The following TENM2 variants were observed in gnomAD, a reference collection of about 807,000 sequenced individuals.
The protein encoded by TENM2 is teneurin transmembrane protein 2.
A neutral mutation model predicts 245.2 loss-of-function variants in TENM2; 52 were observed. The ratio of observed to expected loss-of-function variants is 0.21; its 90% CI spans 0.17 to 0.27. The LOEUF (loss-of-function observed/expected upper bound fraction) is 0.27. Ranked by LOEUF, TENM2 falls within the 10% of genes least tolerant of loss-of-function variation. The probability of loss-of-function intolerance (pLI) is 1.00; values close to 1 mark genes in which losing one functional copy is unlikely to be tolerated. For missense variants in TENM2, 3,046 were observed against 3,666.8 expected, an observed-to-expected ratio of 0.83 and a Z score of 4.37; for synonymous variants, 1,363 against 1,438.9, an observed-to-expected ratio of 0.95 and a Z score of 1.19.
chr5:167,268,963 T>A, the TENM2 span, among the ~76,000 whole-genome samples: 1 of 152,096 alleles, frequency 6.6e-6, no homozygotes, highest in South Asian at 2.1e-4. Context: ...GGCATTGATT[T>A]TGATTTCACA....
intron 2 of TENM2, among the ~76,000 whole-genome samples, chr5:167,478,256 C>T (rs1767525984): frequency 6.6e-6 from 1 of 152,140 alleles, no homozygotes; most frequent in African/African-American, 2.4e-5. Flanking sequence ...CTTCTGTTTC[C>T]TCATCTTCTT....
chr5:168,074,207 C>A (rs190818190), intron 7 of TENM2, among the ~76,000 whole-genome samples: 3 of 152,090 alleles, frequency 2.0e-5, no homozygotes, highest in South Asian at 2.1e-4. Flanking sequence ...TACATCACCC[C>A]CCTCCCATAC....
At chr5:167,888,241 T>C (rs1414730320) in intron 3 of TENM2, among the ~76,000 whole-genome samples, 1 of 152,146 alleles carries the variant, frequency 6.6e-6, no homozygotes, top group Non-Finnish European at 1.5e-5. Flanking sequence ...TCCCTATGTC[T>C]TCTCTATTAT....
At chr5:167,768,743 C>G (rs1221655149) in intron 2 of TENM2, among the ~76,000 whole-genome samples, 2 of 152,148 alleles carry the variant, frequency 1.3e-5, no homozygotes, top group Non-Finnish European at 2.9e-5. Context: ...TTAGCCATGC[C>G]TTTCTCATGA....
chr5:167,247,321 T>G, the TENM2 span, among the ~76,000 whole-genome samples: 1 of 152,150 alleles, frequency 6.6e-6, no homozygotes, highest in Non-Finnish European at 1.5e-5. Flanking sequence ...CAAACAGCCT[T>G]TACAGCCTGA....
chr5:168,204,879 A>G (rs6887745), intron 19 of TENM2, among the ~76,000 whole-genome samples: 150,075 of 152,376 alleles, frequency 0.98, 73,913 homozygotes, highest in East Asian at 1. Flanking sequence ...GAACAACCAA[A>G]GCATCTTTTA....
intron 2 of TENM2, among the ~76,000 whole-genome samples, chr5:167,837,389 G>A (rs1583147553): frequency 1.3e-5 from 2 of 152,002 alleles, no homozygotes; most frequent in South Asian, 2.1e-4. Flanking sequence ...CCTCCAAAAA[G>A]GTTGTAGATC....
At chr5:167,950,542 G>A (rs1346928109) in intron 3 of TENM2, among the ~76,000 whole-genome samples, 2 of 152,052 alleles carry the variant, frequency 1.3e-5, no homozygotes, top group African/African-American at 2.4e-5. Context: ...GCACTGACCC[G>A]CCCCATCTTC....
intron 6 of TENM2, among the ~76,000 whole-genome samples, chr5:168,054,842 T>G (rs1338854030): frequency 6.6e-6 from 1 of 152,238 alleles, no homozygotes; most frequent in Non-Finnish European, 1.5e-5. Context: ...AAATTGATCA[T>G]TAGAATGTTG....
chr5:168,084,068 T>C (rs1792234593), intron 7 of TENM2, among the ~76,000 whole-genome samples: 1 of 152,238 alleles, frequency 6.6e-6, no homozygotes. Context: ...GGCCTCCAGC[T>C]ACATCCATAT....
chr5:167,742,136 T>G (rs7719191), intron 2 of TENM2, among the ~76,000 whole-genome samples: 10,283 of 152,238 alleles, frequency 0.068, 412 homozygotes, highest in African/African-American at 0.1. Context: ...GCCTAGAGTT[T>G]TCTTATGCTG....
intron 3 of TENM2, among the ~76,000 whole-genome samples, chr5:167,894,035 A>G (rs993558349): frequency 6.6e-6 from 1 of 152,218 alleles, no homozygotes; most frequent in Middle Eastern, 3.2e-3. Flanking sequence ...ATGCGGCAGC[A>G]TAATCATTTA....
intron 2 of TENM2, among the ~76,000 whole-genome samples, chr5:167,809,120 C>T (rs995901589): frequency 6.6e-6 from 1 of 152,166 alleles, no homozygotes; most frequent in East Asian, 1.9e-4. Context: ...CAAAGTTACA[C>T]AAGACGCTGT....
intron 2 of TENM2, among the ~76,000 whole-genome samples, chr5:167,430,942 A>G (rs1032060061): frequency 2.6e-5 from 4 of 152,334 alleles, no homozygotes; most frequent in Middle Eastern, 3.4e-3. Context: ...CAATGTTTCT[A>G]TGCAAGCCAA....
At chr5:167,290,244 T>C (rs1754555284) in intron 1 of TENM2, among the ~76,000 whole-genome samples, 1 of 152,186 alleles carries the variant, frequency 6.6e-6, no homozygotes, top group Non-Finnish European at 1.5e-5. Context: ...GAGTTCAACT[T>C]TGTCCATATC....
intron 7 of TENM2, among the ~76,000 whole-genome samples, chr5:168,070,497 T>G (rs1292448620): frequency 6.6e-6 from 1 of 151,992 alleles, no homozygotes; most frequent in Non-Finnish European, 1.5e-5. Context: ...AAAGTAAACT[T>G]TAGGCCAGCT....
intron 2 of TENM2, among the ~76,000 whole-genome samples, chr5:167,843,204 C>T (rs1769709561): frequency 6.6e-6 from 1 of 152,140 alleles, no homozygotes; most frequent in Non-Finnish European, 1.5e-5. Context: ...CACAATAAGA[C>T]CATGGGCTAA....
At chr5:167,176,093 C>G in the TENM2 span, among the ~76,000 whole-genome samples, 1 of 152,208 alleles carries the variant, frequency 6.6e-6, no homozygotes, top group African/African-American at 2.4e-5. Context: ...TCTAAACATT[C>G]AGAATCCTCA....
intron 2 of TENM2, among the ~76,000 whole-genome samples, chr5:167,812,052 T>C (rs1180438945): frequency 2.6e-5 from 4 of 152,140 alleles, no homozygotes; most frequent in African/African-American, 9.7e-5. Flanking sequence ...TCTTGAAGGA[T>C]GGATAAGAAT....
Sources: allele counts gnomAD v4.1 joint callset (sites outside exome capture counted in the v4.1 genomes callset), GRCh38; gene constraint gnomAD v4.1.1; transcripts MANE v1.5; gene names NCBI Gene and HGNC (gene_info 2026-07-23, HGNC 2026-07-21).